Variants in KCNQ1 observed in about 807,000 individuals in gnomAD.
KCNQ1 encodes potassium voltage-gated channel subfamily Q member 1.
A neutral mutation model predicts 72.4 loss-of-function variants in KCNQ1; 49 were observed. The observed-to-expected ratio is 0.68, with a 90% confidence interval of 0.54 to 0.86. The LOEUF (loss-of-function observed/expected upper bound fraction) is 0.86, where lower values mean the gene tolerates loss of function less well. Among genes scored for constraint, KCNQ1 ranks in the 40% least tolerant of loss-of-function variants. The pLI, the probability that KCNQ1 is intolerant of heterozygous loss-of-function variation, is 0.00. For missense variants in KCNQ1, 790 were observed against 945.1 expected (o/e 0.84, Z 2.15); for synonymous variants, 450 against 412.6 (o/e 1.09, Z -1.10).
At chr11:2,733,066 C>T (rs564339595) in intron 11 of KCNQ1, among the ~76,000 whole-genome samples, 2 of 152,274 alleles carry the variant, frequency 1.3e-5, no homozygotes, top group African/African-American at 4.8e-5. Context: ...AGCCCCTTAC[C>T]TTCTGGAGCC....
rs1300948764 is a variant in KCNQ1 at position 2,664,402 on chromosome 11, G to C, written c.1514+2321G>C. 8 of 398,644 alleles carry C rather than the reference G, an allele frequency of 2.0e-5. No individual in the cohort carries two copies. The highest frequency in any genetic ancestry group is 3.5e-5 in the Non-Finnish European group (8 of 226,162). 24.7% of individuals were successfully genotyped at this position (398,644 alleles called of 1,614,324 possible). On this transcript the variant is annotated intron_variant, in intron 11 of 15. Coordinates refer to ENST00000155840, the MANE Select transcript of KCNQ1 (RefSeq NM_000218.3). The surrounding 1 kb of genome is among the most constrained non-coding windows in gnomAD (Gnocchi z 5.1). Reference sequence around the variant, plus strand: ...TCCCTCCAGAGAGGCCTGAAGGGGAGAGTGGGCACGTACAGTGTCAGGGCC... The same window carrying C: ...TCCCTCCAGAGAGGCCTGAAGGGGACAGTGGGCACGTACAGTGTCAGGGCC...
At chr11:2,846,629 C>T (rs1848333679) in intron 15 of KCNQ1, among the ~76,000 whole-genome samples, 1 of 152,246 alleles carries the variant, frequency 6.6e-6, no homozygotes, top group African/African-American at 2.4e-5. Flanking sequence ...CCTGCTCCAC[C>T]CAGCACCTGC....
In KCNQ1 at chr11:2,752,585, G is replaced by A. The variant is rs1375298595; in HGVS notation, c.1515-16259G>A. 6.6e-6 allele frequency among the ~76,000 whole-genome samples: 1 copy of A among 152,122 alleles called. No homozygotes were observed. Among genetic ancestry groups the A allele is most frequent in the Non-Finnish European group, 1.5e-5 (1 of 68,024 alleles). ...GTCTGTCTGATTCATGGAAGTCAGCGGGCTGTGTCCTCACGTGGCAGAAGA... is the reference window on the plus strand; with the variant it reads ...GTCTGTCTGATTCATGGAAGTCAGCAGGCTGTGTCCTCACGTGGCAGAAGA... On this transcript the variant is annotated intron_variant, in intron 11 of 15. Transcript: ENST00000155840. This position sits in a 1 kb window ranked among gnomAD's most constrained non-coding sequence, Gnocchi z 5.2.
intron 15 of KCNQ1, among the ~76,000 whole-genome samples, chr11:2,801,226 C>T (rs983347141): frequency 6.6e-6 from 1 of 152,182 alleles, no homozygotes; most frequent in Admixed American, 6.5e-5. Flanking sequence ...ATGGCTGTCA[C>T]GTGGAGCTGT....
rs1352614250 is a variant in KCNQ1, at chr11:2,562,814, C to T, written c.478-7814C>T. Among the ~76,000 whole-genome samples, 7 of 152,164 alleles carry T rather than the reference C, an allele frequency of 4.6e-5. No homozygotes were observed. Among genetic ancestry groups the T allele is most frequent in the Non-Finnish European group, 8.8e-5 (6 of 68,010 alleles). ...TGTTTCTGCATCCTTGACCCTGGCC[C>T]CTTCCACAAAGCTCAGCTCTGATCC... On this transcript the variant is annotated intron_variant, in intron 2 of 15. Transcript: ENST00000155840. The surrounding 1 kb of genome is among the most constrained non-coding windows in gnomAD (Gnocchi z 7.5).
chr11:2,806,266 G>GT (rs1369767024), intron 15 of KCNQ1, among the ~76,000 whole-genome samples: 4 of 152,188 alleles, frequency 2.6e-5, no homozygotes, highest in African/African-American at 9.7e-5. Flanking sequence ...CAGAAAAAGA[G>GT]TAAACAATCA....
chr11:2,831,371 G>A (rs1004323682), intron 15 of KCNQ1, among the ~76,000 whole-genome samples: 1 of 152,128 alleles, frequency 6.6e-6, no homozygotes, highest in Non-Finnish European at 1.5e-5. Context: ...CATGAACAGG[G>A]GAGAGAAGGG....
intron 15 of KCNQ1, among the ~76,000 whole-genome samples, chr11:2,831,836 A>G (rs1324043148): frequency 6.7e-6 from 1 of 148,936 alleles, no homozygotes; most frequent in Admixed American, 6.8e-5. Flanking sequence ...CAGTGATTTC[A>G]CTTCTCTGAG....
chr11:2,490,998 G>A (rs904927842), intron 1 of KCNQ1, among the ~76,000 whole-genome samples: 6 of 152,116 alleles, frequency 3.9e-5, no homozygotes, highest in Admixed American at 2.0e-4. Flanking sequence ...GAGCCACTGC[G>A]CCTGGCCCCA....
chr11:2,832,948 C>A (rs919252703), intron 15 of KCNQ1, among the ~76,000 whole-genome samples: 1 of 152,152 alleles, frequency 6.6e-6, no homozygotes, highest in African/African-American at 2.4e-5. Context: ...CTGGTCCCTC[C>A]CCTCTCCCCC....
intron 15 of KCNQ1, among the ~76,000 whole-genome samples, chr11:2,819,582 C>G (rs1448013597): frequency 6.6e-6 from 1 of 152,162 alleles, no homozygotes; most frequent in African/African-American, 2.4e-5. Context: ...GTGTTCATAC[C>G]TGATTTGGGC....
Position 2,488,074 on chromosome 11 carries a change from A to G in KCNQ1, c.387-39854A>G, listed in dbSNP as rs1846771667. 6.6e-6 allele frequency among the ~76,000 whole-genome samples: 1 copy of G among 152,070 alleles called. No individual in the cohort carries two copies. Among genetic ancestry groups the G allele is most frequent in the South Asian group, 2.1e-4 (1 of 4,820 alleles). On this transcript the variant is annotated intron_variant, in intron 1 of 15. Transcript: ENST00000155840. The surrounding 1 kb of genome is among the most constrained non-coding windows in gnomAD (Gnocchi z 5.1). ...AGTTTGTTGAGAGTTTTTAATAAGG[A>G]TGTTGAATTTTGTCAAATGCTTTTT...
chr11:2,719,092 C>A (rs1851157194), intron 11 of KCNQ1, among the ~76,000 whole-genome samples: 2 of 152,204 alleles, frequency 1.3e-5, no homozygotes, highest in African/African-American at 2.4e-5. Flanking sequence ...CAAGTGGAGC[C>A]CCAACCGCAG....
rs2133808273 is a variant in KCNQ1 at position 2,624,654 on chromosome 11, G to A, written c.1393+35800G>A. 5.0e-6 allele frequency: 2 copies of A among 398,478 alleles called. No individual in the cohort carries two copies. The highest frequency in any genetic ancestry group is 1.3e-4 in the South Asian group (1 of 7,848). 24.7% of individuals were successfully genotyped at this position (398,478 alleles called of 1,614,324 possible). ...TGAATGTATTAGATACGTTCACAAT[G>A]CTGTGCAATCATCACTATCATCCAT... is the stretch of plus-strand genomic sequence containing the variant. On this transcript the variant is annotated intron_variant, in intron 10 of 15. Transcript: ENST00000155840. The surrounding 1 kb of genome is among the most constrained non-coding windows in gnomAD (Gnocchi z 4.9).
chr11:2,699,939 G>A (rs1850765785), intron 11 of KCNQ1: 1 of 398,176 alleles, frequency 2.5e-6, no homozygotes, highest in South Asian at 1.3e-4. Flanking sequence ...GCCCTGGCAG[G>A]ATCTTGCTGA....
At chr11:2,638,706 A>G (rs1330121551) in intron 10 of KCNQ1, 3 of 152,014 alleles carry the variant, frequency 2.0e-5, no homozygotes, top group East Asian at 1.9e-4. Flanking sequence ...TATTTCCTGA[A>G]TTTGAATGTT....
rs1463892885 is a variant in KCNQ1 at position 2,617,934 on chromosome 11, T to C, written c.1393+29080T>C. The C allele has an allele frequency of 1.5e-5, 6 of 398,466 alleles. No homozygotes were observed. The highest frequency in any genetic ancestry group is 3.6e-5 in the East Asian group (1 of 28,086). The allele number at this position is 398,466 out of a possible 1,614,324, so 24.7% of individuals were successfully genotyped here. A position where few individuals can be genotyped will look rare whatever the true frequency, so the allele number is the denominator to read the frequency against. ...CATTCCTTATAAATTTTGGATATTA[T>C]CCTCTTATAAGATATATGGTTGGCA... On this transcript the variant is annotated intron_variant, in intron 10 of 15. Coordinates refer to ENST00000155840, the MANE Select transcript of KCNQ1 (RefSeq NM_000218.3). This position sits in a 1 kb window ranked among gnomAD's most constrained non-coding sequence, Gnocchi z 4.6.
Position 2,445,102 on chromosome 11 carries a change from G to A in KCNQ1, c.4G>A (p.Ala2Thr), listed in dbSNP as rs2133559329. M[A>T]AASSPPRAER... The stretch of plus-strand genomic sequence containing the variant: ...CCCCCGGCAGGCCCTCCTCGTTATG[G>A]CCGCGGCCTCCTCCCCGCCCAGGGC... The change falls in exon 1 of 16, where the codon GCC becomes ACC. Residue 2 changes from alanine (A) to threonine (T), a missense_variant. By Grantham distance (58) the Ala-to-Thr change is moderately conservative. This residue lies in a region of KCNQ1 where 294 missense variants were observed against 323.3 expected (regional missense o/e 0.91). Coordinates refer to ENST00000155840, the MANE Select transcript of KCNQ1 (RefSeq NM_000218.3). 1.8e-6 allele frequency: 2 copies of A among 1,087,958 alleles called. No homozygotes were observed. Among genetic ancestry groups the A allele is most frequent in the Non-Finnish European group, 2.2e-6 (2 of 895,076 alleles). 67.4% of individuals were successfully genotyped at this position (1,087,958 alleles called of 1,614,324 possible). A position where few individuals can be genotyped will look rare whatever the true frequency, so the allele number is the denominator to read the frequency against.
chr11:2,765,636 T>C (rs974431920), intron 11 of KCNQ1, among the ~76,000 whole-genome samples: 6 of 152,254 alleles, frequency 3.9e-5, no homozygotes, highest in African/African-American at 1.4e-4. Context: ...GTTTGCTTTA[T>C]GTATTTTAAG....
Sources: gnomAD v4.1 joint callset for allele counts (sites outside exome capture counted in the v4.1 genomes callset) on GRCh38, gnomAD v4.1.1 for gene constraint, gnomAD v4.1.1 regional missense constraint, Gnocchi (gnomAD v3.1) non-coding constraint, MANE v1.5 for transcripts, NCBI Gene and HGNC (gene_info 2026-07-23, HGNC 2026-07-21) for gene names.